The following NRXN3 variants were observed in gnomAD, a reference collection of about 807,000 sequenced individuals.
NRXN3 encodes the protein neurexin 3, also known as neurexin III.
In NRXN3, 32 loss-of-function variants were observed where a neutral mutation model predicts 137.6. That is an observed-to-expected ratio of 0.23 (90% CI 0.18 to 0.31). The LOEUF (loss-of-function observed/expected upper bound fraction) is 0.31, where lower values mean the gene tolerates loss of function less well. Ranked by LOEUF, NRXN3 falls within the 10% of genes least tolerant of loss-of-function variation. The probability of loss-of-function intolerance (pLI) is 1.00; values close to 1 mark genes in which losing one functional copy is unlikely to be tolerated. For missense variants in NRXN3, 1,574 were observed against 2,062.5 expected, an observed-to-expected ratio of 0.76 and a Z score of 4.59; for synonymous variants, 798 against 784.5, an observed-to-expected ratio of 1.02 and a Z score of -0.29.
intron 15 of NRXN3, among the ~76,000 whole-genome samples, chr14:79,376,129 T>G (rs973038763): frequency 6.8e-5 from 10 of 146,884 alleles, no homozygotes; most frequent in Admixed American, 2.1e-4. Context: ...TACATATATG[T>G]ATTATATATG....
chr14:79,649,367 A>G (rs1603340638), intron 16 of NRXN3, among the ~76,000 whole-genome samples: 1 of 152,160 alleles, frequency 6.6e-6, no homozygotes, highest in East Asian at 1.9e-4. Context: ...GGATACCTAC[A>G]GCAGAAAGCA....
chr14:78,541,220 G>A (rs1274134083), intron 4 of NRXN3, among the ~76,000 whole-genome samples: 1 of 152,146 alleles, frequency 6.6e-6, no homozygotes, highest in African/African-American at 2.4e-5. Flanking sequence ...TTCCAACATG[G>A]TTCCATTCTC....
intron 17 of NRXN3, among the ~76,000 whole-genome samples, chr14:79,673,118 C>G (rs1391637913): frequency 1.3e-5 from 2 of 151,956 alleles, no homozygotes; most frequent in East Asian, 3.9e-4. Flanking sequence ...CTGTCAATAT[C>G]CTAGCAGGCT....
chr14:78,705,862 G>A (rs1162827564), intron 6 of NRXN3, among the ~76,000 whole-genome samples: 2 of 152,186 alleles, frequency 1.3e-5, no homozygotes, highest in African/African-American at 4.8e-5. Context: ...CACCCTCAAA[G>A]AGCCTTTGAG....
At chr14:78,583,278 T>C (rs2097022665) in intron 4 of NRXN3, among the ~76,000 whole-genome samples, 1 of 152,104 alleles carries the variant, frequency 6.6e-6, no homozygotes, top group African/African-American at 2.4e-5. Context: ...TTAGTGGACT[T>C]ATTTGTCCAC....
At chr14:78,903,180 G>C (rs956057661) in intron 10 of NRXN3, among the ~76,000 whole-genome samples, 1 of 112,102 alleles carries the variant, frequency 8.9e-6, no homozygotes, top group African/African-American at 3.7e-5. Flanking sequence ...ACAGAGTCTT[G>C]ATCTTTCACC....
At position 79,765,610 on chromosome 14, in the gene NRXN3, G is replaced by A. The variant is rs368644995; in HGVS notation, c.4015-39502G>A. On this transcript the variant is annotated intron_variant, in intron 19 of 20. Transcript: ENST00000335750. Reference sequence around the variant, plus strand: ...ATTTAAATAGATTGCTCATTTATTTGCTACTTTGCTCATCACCCTGTCTCT... The same window carrying A: ...ATTTAAATAGATTGCTCATTTATTTACTACTTTGCTCATCACCCTGTCTCT... Among the ~76,000 whole-genome samples, 7 of 152,264 alleles carry A rather than the reference G, an allele frequency of 4.6e-5. No individual in the cohort carries two copies. In the East Asian group the frequency reaches 1.4e-3, roughly 29 times the overall value.
At chr14:79,183,705 G>A (rs575222710) in intron 15 of NRXN3, among the ~76,000 whole-genome samples, 4 of 152,046 alleles carry the variant, frequency 2.6e-5, no homozygotes, top group African/African-American at 7.2e-5. Context: ...GTCTCTTACC[G>A]CCAAAGCCCG....
intron 20 of NRXN3, among the ~76,000 whole-genome samples, chr14:79,819,148 G>A (rs2099262586): frequency 6.6e-6 from 1 of 152,074 alleles, no homozygotes; most frequent in Non-Finnish European, 1.5e-5. Flanking sequence ...TAAGGGCTGG[G>A]GTGTAAGTAT....
chr14:78,587,061 A>C (rs575869184), intron 4 of NRXN3, among the ~76,000 whole-genome samples: 1 of 152,306 alleles, frequency 6.6e-6, no homozygotes, highest in Admixed American at 6.5e-5. Flanking sequence ...GGCTTCTCTA[A>C]AGATTCTGTG....
intron 3 of NRXN3, among the ~76,000 whole-genome samples, chr14:78,285,488 A>G (rs947974373): frequency 5.9e-5 from 9 of 152,154 alleles, no homozygotes; most frequent in African/African-American, 1.9e-4. Context: ...TACCTCACTG[A>G]TACAACCCAG....
rs573305835 is a variant in NRXN3, at chr14:79,226,937, A to C, written c.3262+238796A>C. ...TTCAAGCAATTCTCCTTTCTCAAGT[A>C]ATCCTCCTGAATAGCTAGGATTACA... On this transcript the variant is annotated intron_variant, in intron 15 of 20. Coordinates refer to ENST00000335750, the MANE Select transcript of NRXN3 (RefSeq NM_001330195.2). 2.0e-5 allele frequency among the ~76,000 whole-genome samples: 3 copies of C among 149,812 alleles called. No homozygotes were observed. In the South Asian group the frequency reaches 6.3e-4, roughly 31 times the overall value.
intron 2 of NRXN3, among the ~76,000 whole-genome samples, chr14:78,252,096 G>A (rs949994078): frequency 9.2e-5 from 14 of 151,864 alleles, no homozygotes; most frequent in African/African-American, 3.1e-4. Flanking sequence ...GTCTATATCC[G>A]CTCTCAAACC....
At chr14:79,459,849 C>A (rs536263421) in intron 15 of NRXN3, among the ~76,000 whole-genome samples, 2 of 151,958 alleles carry the variant, frequency 1.3e-5, no homozygotes, top group African/African-American at 4.8e-5. Context: ...TATGAAAATT[C>A]CTTTAAGCAA....
At chr14:79,521,906 A>AC (rs1350895002) in intron 16 of NRXN3, among the ~76,000 whole-genome samples, 1 of 152,168 alleles carries the variant, frequency 6.6e-6, no homozygotes, top group East Asian at 1.9e-4. Context: ...GAAGGTAAAT[A>AC]CCATTTGTAA....
intron 16 of NRXN3, among the ~76,000 whole-genome samples, chr14:79,535,124 C>T (rs1364607): frequency 0.92 from 140,751 of 152,258 alleles, 65,079 homozygotes; most frequent in South Asian, 0.95. Context: ...CCTTAAATTA[C>T]GTTCTGCTGT....
intron 15 of NRXN3, among the ~76,000 whole-genome samples, chr14:79,125,363 C>G (rs2056218867): frequency 6.6e-6 from 1 of 152,200 alleles, no homozygotes; most frequent in Admixed American, 6.5e-5. Flanking sequence ...TTCCACCTAC[C>G]TTGTTCAGTA....
intron 6 of NRXN3, among the ~76,000 whole-genome samples, chr14:78,681,044 G>A (rs994312050): frequency 6.6e-6 from 1 of 152,212 alleles, no homozygotes; most frequent in African/African-American, 2.4e-5. Flanking sequence ...GGTACCCAGA[G>A]TCCTTCATAG....
intron 19 of NRXN3, among the ~76,000 whole-genome samples, chr14:79,753,561 G>T (rs543013639): frequency 0.013 from 1,487 of 111,340 alleles, 20 homozygotes; most frequent in Middle Eastern, 0.065. Flanking sequence ...CACACTCTGG[G>T]GACTGTTGTG....
Sources: gnomAD v4.1 joint callset for allele counts (sites outside exome capture counted in the v4.1 genomes callset) on GRCh38, gnomAD v4.1.1 for gene constraint, MANE v1.5 for transcripts, NCBI Gene and HGNC (gene_info 2026-07-23, HGNC 2026-07-21) for gene names.